The following TLN2 variants were observed in gnomAD, a reference collection of about 807,000 sequenced individuals.
TLN2 encodes talin-2.
Under a neutral mutation model 294.7 loss-of-function variants are expected in TLN2, and 118 were observed. The observed-to-expected ratio is 0.40, with a 90% CI of 0.34 to 0.47. TLN2 has a LOEUF of 0.47. Among genes scored for constraint, TLN2 ranks in the 20% least tolerant of loss-of-function variants. The pLI is 0.84. For missense variants in TLN2, 3,083 were observed against 3,282.2 expected (o/e 0.94, Z 1.48); for synonymous variants, 1,431 against 1,304.5 (o/e 1.10, Z -2.09).
Position 62,844,322 on chromosome 15 carries a change from C to G in TLN2, c.*3712C>G, listed in dbSNP as rs939328200. 6.6e-6 allele frequency: 1 copy of G among 151,932 alleles called. No homozygotes were observed. The highest frequency in any genetic ancestry group is 2.4e-5 in the African/African-American group (1 of 41,380). 9.4% of individuals were successfully genotyped at this position (151,932 alleles called of 1,614,324 possible). A position where few individuals can be genotyped will look rare whatever the true frequency, so the allele number is the denominator to read the frequency against. ...AGTGTGTGCAGAGTTTGGGTTGATT[C>G]TTTTAAATGCTACAAACAAGAGCTA... On this transcript the variant is annotated 3_prime_UTR_variant, in exon 59 of 59. Coordinates refer to ENST00000636159, the MANE Select transcript of TLN2 (RefSeq NM_015059.3).
intron 10 of TLN2, among the ~76,000 whole-genome samples, chr15:62,674,833 C>G (rs1221059676): frequency 6.6e-6 from 1 of 152,192 alleles, no homozygotes; most frequent in South Asian, 2.1e-4. Context: ...AGAATGACAC[C>G]TCTCCTGATA....
intron 19 of TLN2, among the ~76,000 whole-genome samples, chr15:62,706,418 A>G (rs1313766914): frequency 6.6e-6 from 1 of 152,246 alleles, no homozygotes; most frequent in Non-Finnish European, 1.5e-5. Flanking sequence ...TAGTGTATTT[A>G]TATAGGCTCT....
intron 43 of TLN2, among the ~76,000 whole-genome samples, chr15:62,780,455 G>A (rs2064063467): frequency 6.6e-6 from 1 of 152,094 alleles, no homozygotes. Flanking sequence ...GCAGCCCGAG[G>A]TTCATTCACA....
At position 62,755,600 on chromosome 15, in the gene TLN2, A is replaced by C; in HGVS notation, c.4545A>C (p.Ser1515=). ...TGTGCAATGCCTGCCGCATCGCCTCATCCAAGACGGCCAACCCAGTAGCCA... is the reference window on the plus strand; with the variant it reads ...TGTGCAATGCCTGCCGCATCGCCTCCTCCAAGACGGCCAACCCAGTAGCCA... ...SALCNACRIA[S]SKTANPVAKR... Residue 1515 remains serine (S), a synonymous_variant, in exon 37 of 59, where the codon TCA becomes TCC. Transcript: ENST00000636159. 6.2e-7 allele frequency: 1 copy of C among 1,614,192 alleles called. No individual in the cohort carries two copies. The highest frequency in any genetic ancestry group is 1.1e-5 in the South Asian group (1 of 91,078).
chr15:62,693,404 A>G (rs2058079065), intron 13 of TLN2, among the ~76,000 whole-genome samples: 1 of 152,182 alleles, frequency 6.6e-6, no homozygotes, highest in South Asian at 2.1e-4. Context: ...CTTTGACCTC[A>G]AGATCCTTTG....
intron 21 of TLN2, among the ~76,000 whole-genome samples, chr15:62,711,562 G>C (rs2059431195): frequency 6.6e-6 from 1 of 152,196 alleles, no homozygotes; most frequent in Admixed American, 6.5e-5. Flanking sequence ...GGTTTTCAAA[G>C]TGAAGAAAGC....
At chr15:62,426,645 G>A (rs116105083) in intron 1 of TLN2, among the ~76,000 whole-genome samples, 412 of 152,362 alleles carry the variant, frequency 2.7e-3, no homozygotes, top group African/African-American at 9.2e-3. Flanking sequence ...GGCCCCGGGT[G>A]TGCTGGGAGT....
chr15:62,671,630 T>C (rs191467779), intron 9 of TLN2, among the ~76,000 whole-genome samples: 27 of 152,358 alleles, frequency 1.8e-4, no homozygotes, highest in African/African-American at 5.8e-4. Context: ...TTCTATTCTA[T>C]TGACCTGTGT....
At chr15:62,437,358 G>T (rs192462746) in intron 1 of TLN2, among the ~76,000 whole-genome samples, 14 of 151,940 alleles carry the variant, frequency 9.2e-5, no homozygotes, top group African/African-American at 3.1e-4. Context: ...TGCTGAGAGA[G>T]ATCATGAGGC....
At chr15:62,493,008 T>C (rs1437693578) in intron 1 of TLN2, among the ~76,000 whole-genome samples, 1 of 152,192 alleles carries the variant, frequency 6.6e-6, no homozygotes, top group Non-Finnish European at 1.5e-5. Context: ...GGTGGAAATA[T>C]TGGAGGGATT....
intron 1 of TLN2, among the ~76,000 whole-genome samples, chr15:62,466,238 A>C (rs1326555213): frequency 6.6e-6 from 1 of 152,190 alleles, no homozygotes; most frequent in African/African-American, 2.4e-5. Context: ...TGAACCAGAG[A>C]CCCAGGAAGG....
chr15:62,820,446 T>C (rs772595451), intron 53 of TLN2, 40 bp from the exon 54 acceptor site: 2 of 1,608,804 alleles, frequency 1.2e-6, no homozygotes, highest in Non-Finnish European at 1.7e-6. Context: ...CCCTGAGGTC[T>C]GCAGCTATGA....
chr15:62,602,318 A>G (rs964997180), intron 2 of TLN2, among the ~76,000 whole-genome samples: 2 of 152,190 alleles, frequency 1.3e-5, no homozygotes, highest in Non-Finnish European at 2.9e-5. Context: ...CTCATGCTGC[A>G]TACACAACAG....
chr15:62,829,112 A>C (rs1302380550), intron 54 of TLN2: 1 of 148,744 alleles, frequency 6.7e-6, no homozygotes, highest in Non-Finnish European at 1.5e-5. Context: ...TTTCTTTAAA[A>C]TTTTTTTCTG....
At chr15:62,544,498 C>G (rs1486239162) in intron 1 of TLN2, among the ~76,000 whole-genome samples, 2 of 152,152 alleles carry the variant, frequency 1.3e-5, no homozygotes, top group African/African-American at 4.8e-5. Flanking sequence ...GAAGAAAAAC[C>G]AACACTGTGT....
chr15:62,418,314 T>C (rs911730142), intron 1 of TLN2, among the ~76,000 whole-genome samples: 2 of 152,210 alleles, frequency 1.3e-5, no homozygotes, highest in African/African-American at 4.8e-5. Flanking sequence ...AATGATAGAC[T>C]ATTCTAGAAT....
At chr15:62,656,896 AG>A (rs1267578003) in intron 8 of TLN2, among the ~76,000 whole-genome samples, 1 of 152,208 alleles carries the variant, frequency 6.6e-6, no homozygotes, top group Non-Finnish European at 1.5e-5. Flanking sequence ...GACAGAACTC[AG>A]TGACAGAGAC....
At chr15:62,674,342 G>C (rs746778496) in intron 10 of TLN2, among the ~76,000 whole-genome samples, 8 of 152,044 alleles carry the variant, frequency 5.3e-5, no homozygotes, top group Non-Finnish European at 1.0e-4. Flanking sequence ...CACAAACTTT[G>C]CCATGAAACA....
At chr15:62,544,823 G>A (rs567453750) in intron 1 of TLN2, among the ~76,000 whole-genome samples, 4 of 151,790 alleles carry the variant, frequency 2.6e-5, no homozygotes. Flanking sequence ...ATGGTGTCAG[G>A]ATTAGCTAAC....
Sources: gnomAD v4.1 joint callset for allele counts (sites outside exome capture counted in the v4.1 genomes callset) on GRCh38, gnomAD v4.1.1 for gene constraint, MANE v1.5 for transcripts, NCBI Gene and HGNC (gene_info 2026-07-23, HGNC 2026-07-21) for gene names.